Variants in KIF17 observed in about 807,000 individuals in gnomAD.
KIF17 encodes kinesin-like protein KIF17.
Under a neutral mutation model 96.8 loss-of-function variants are expected in KIF17, and 80 were observed. That is an observed-to-expected ratio of 0.83 (90% confidence interval 0.69 to 1.00). The LOEUF is 1.00. Ranked by LOEUF, KIF17 falls within the 50% of genes least tolerant of loss-of-function variation. KIF17 has a pLI of 0.00. For synonymous variants in KIF17, 567 were observed against 587.5 expected, an observed-to-expected ratio of 0.97 and a Z score of 0.51; for missense variants, 1,280 against 1,372.9, an observed-to-expected ratio of 0.93 and a Z score of 1.07.
chr1:20,671,868 C>T, intron 12 of KIF17, 70 bp downstream of exon 12: 1 of 1,568,054 alleles, frequency 6.4e-7, no homozygotes, highest in Admixed American at 1.7e-5. Flanking sequence ...GGCCCACACT[C>T]CCTGCCAGTC....
chr1:20,684,547 A>G (rs890909213), intron 10 of KIF17, among the ~76,000 whole-genome samples: 1 of 152,080 alleles, frequency 6.6e-6, no homozygotes, highest in Non-Finnish European at 1.5e-5. Flanking sequence ...CTGGGATGGG[A>G]GAAAAGCCTG....
intron 13 of KIF17, among the ~76,000 whole-genome samples, chr1:20,668,077 A>G (rs1383365851): frequency 2.6e-5 from 4 of 151,720 alleles, no homozygotes; most frequent in East Asian, 1.9e-4. Flanking sequence ...TTGGGAGGCC[A>G]AGGTGGGCAG....
chr1:20,671,969 A>ATG lies in KIF17; in HGVS notation c.2689_2690dup (p.Pro898IlefsTer11), dbSNP rs764543557. Reference sequence around the variant, plus strand: ...GGAGGCTGGTTTTTGTGATGACGGGATGTGGGATCTTCCAGAAGCCGTTAT... The same window carrying ATG: ...GGAGGCTGGTTTTTGTGATGACGGGATGTGTGGGATCTTCCAGAAGCCGTTAT... On this transcript the variant is annotated frameshift_variant, in exon 12 of 15. Transcript: ENST00000400463. LOFTEE classifies it high-confidence loss of function. 6.8e-6 allele frequency: 11 copies of ATG among 1,613,922 alleles called. No homozygotes were observed. Among genetic ancestry groups the ATG allele is most frequent in the Non-Finnish European group, 9.3e-6 (11 of 1,180,030 alleles).
intron 13 of KIF17, among the ~76,000 whole-genome samples, chr1:20,667,361 C>G (rs1280628471): frequency 6.6e-6 from 1 of 152,194 alleles, no homozygotes; most frequent in African/African-American, 2.4e-5. Context: ...CCATTACCCC[C>G]ACATGGGACC....
intron 3 of KIF17, among the ~76,000 whole-genome samples, chr1:20,712,897 T>TTATCTATATCTAATATAGATAA (rs1557607178): frequency 1.9e-5 from 1 of 52,336 alleles, no homozygotes; most frequent in African/African-American, 6.8e-5. Flanking sequence ...ATAGATAATA[T>TTATCTATATCTAATATAGATAA]TATCTATATT....
intron 2 of KIF17, among the ~76,000 whole-genome samples, chr1:20,714,904 C>T (rs1028748851): frequency 2.0e-5 from 3 of 152,032 alleles, no homozygotes; most frequent in African/African-American, 7.2e-5. Context: ...TTGCTGTGGC[C>T]ACCATGATGA....
At chr1:20,683,654 C>CA (rs968644240) in intron 10 of KIF17, among the ~76,000 whole-genome samples, 45 of 147,074 alleles carry the variant, frequency 3.1e-4, no homozygotes, top group Middle Eastern at 7.0e-3. Context: ...GGCTTCATCT[C>CA]AAAAAAAAAA....
At chr1:20,717,295 C>T in intron 1 of KIF17, 181 bp downstream of exon 1, 1 of 644,684 alleles carries the variant, frequency 1.6e-6, no homozygotes. Flanking sequence ...CCGGAGGCGA[C>T]ATTAGAGGCA....
chr1:20,683,632 G>A (rs1454356726), intron 10 of KIF17, among the ~76,000 whole-genome samples: 5 of 151,970 alleles, frequency 3.3e-5, no homozygotes, highest in African/African-American at 4.8e-5. Flanking sequence ...TCCAGCCTGA[G>A]CAACAGAGCA....
intron 3 of KIF17, among the ~76,000 whole-genome samples, 158 bp downstream of exon 3, chr1:20,713,296 A>G (rs1438155908): frequency 6.6e-6 from 1 of 150,542 alleles, no homozygotes; most frequent in East Asian, 1.9e-4. Flanking sequence ...GCACCTGCCT[A>G]AAAAAGTTTT....
intron 11 of KIF17, among the ~76,000 whole-genome samples, chr1:20,678,276 A>C (rs1404877875): frequency 1.3e-5 from 2 of 152,170 alleles, no homozygotes; most frequent in African/African-American, 4.8e-5. Flanking sequence ...CCATGACTGA[A>C]TTATCTCCCA....
rs562812936 is a variant in KIF17 at position 20,703,182 on chromosome 1, G to GATGAATGGATGA, written c.1123+1264_1123+1265insTCATCCATTCAT. Among the ~76,000 whole-genome samples the GATGAATGGATGA allele has an allele frequency of 3.3e-3, 499 of 151,830 alleles. 2 individuals carry two copies. The highest frequency in any genetic ancestry group is 0.014 in the Middle Eastern group (4 of 294). ...AAGGATGGAGATGGATGGATGAATG[G>GATGAATGGATGA]ATGGACGGATGGATGGGAGATGGAA... is the stretch of plus-strand genomic sequence containing the variant. On this transcript the variant is annotated intron_variant, in intron 5 of 14. Transcript: ENST00000400463.
chr1:20,668,881 C>T (rs928159780), intron 13 of KIF17, among the ~76,000 whole-genome samples: 4 of 152,058 alleles, frequency 2.6e-5, no homozygotes, highest in Non-Finnish European at 5.9e-5. Flanking sequence ...TATTTATGAT[C>T]GGGTCCTTTA....
At chr1:20,665,246 T>TA (rs2053506272) in intron 14 of KIF17, among the ~76,000 whole-genome samples, 1 of 103,584 alleles carries the variant, frequency 9.7e-6, no homozygotes, top group Admixed American at 9.8e-5. Context: ...TTTTTTTTTT[T>TA]AGAAAAAGTC....
At chr1:20,716,236 C>T (rs989671052) in intron 1 of KIF17, among the ~76,000 whole-genome samples, 3 of 117,090 alleles carry the variant, frequency 2.6e-5, no homozygotes, top group East Asian at 2.1e-4. Context: ...CGCGAGACTC[C>T]GTCTCAAAAA....
intron 11 of KIF17, among the ~76,000 whole-genome samples, chr1:20,675,568 G>A (rs957374313): frequency 2.0e-5 from 3 of 152,180 alleles, no homozygotes; most frequent in African/African-American, 7.2e-5. Context: ...CTTGATTACG[G>A]TAGCTTTGTA....
chr1:20,680,504 G>C (rs2053811633), intron 11 of KIF17, among the ~76,000 whole-genome samples: 1 of 152,142 alleles, frequency 6.6e-6, no homozygotes, highest in South Asian at 2.1e-4. Flanking sequence ...TTGAGCCCAA[G>C]GGTTCAAGGT....
downstream of KIF17, among the ~76,000 whole-genome samples, chr1:20,663,630 G>A (rs999729651): frequency 1.3e-5 from 2 of 152,204 alleles, no homozygotes; most frequent in Non-Finnish European, 2.9e-5. Context: ...GAGTGTGCAA[G>A]GGGAAGGCTG....
rs1557606343 is a variant in KIF17, at chr1:20,712,608, A to AGATAATATTATC, written c.480+845_480+846insGATAATATTATC. 6.9e-3 allele frequency among the ~76,000 whole-genome samples: 143 copies of AGATAATATTATC among 20,812 alleles called. 33 individuals carry two copies. Among genetic ancestry groups the AGATAATATTATC allele is most frequent in the African/African-American group, 0.016 (129 of 8,170 alleles). The allele number at this position is 20,812 out of a possible 152,430, so 13.7% of individuals were successfully genotyped here. ...TATATATATATCTATATATATCTAT[A>AGATAATATTATC]TATATATAATATAGATAATATCTAT... On this transcript the variant is annotated intron_variant, in intron 3 of 14. Transcript: ENST00000400463.
Sources: allele counts gnomAD v4.1 joint callset (sites outside exome capture counted in the v4.1 genomes callset), GRCh38; gene constraint gnomAD v4.1.1; transcripts MANE v1.5; gene names NCBI Gene and HGNC (gene_info 2026-07-23, HGNC 2026-07-21).